CLTA: variants seen among roughly 807,000 people sequenced by gnomAD.
CLTA encodes clathrin, light polypeptide (Lca).
Under a neutral mutation model 26.9 loss-of-function variants are expected in CLTA, and 9 were observed. The ratio of observed to expected loss-of-function variants is 0.33; its 90% CI spans 0.20 to 0.58. The LOEUF (loss-of-function observed/expected upper bound fraction) is 0.58. Ranked by LOEUF, CLTA falls within the 20% of genes least tolerant of loss-of-function variation. The pLI, the probability that CLTA is intolerant of heterozygous loss-of-function variation, is 0.85. For synonymous variants in CLTA, 120 were observed against 115.5 expected, an observed-to-expected ratio of 1.04 and a Z score of -0.25; for missense variants, 278 against 294.2, an observed-to-expected ratio of 0.94 and a Z score of 0.40.
At chr9:36,204,831 C>T (rs1304255647) in intron 4 of CLTA, among the ~76,000 whole-genome samples, 4 of 152,178 alleles carry the variant, frequency 2.6e-5, no homozygotes, top group African/African-American at 7.2e-5. Context: ...TAATGCCCTA[C>T]ACTTAGAGCC....
rs754609831 is a variant in CLTA, at chr9:36,211,746, C to G, written c.629C>G (p.Ser210Cys). The change falls in exon 5 of 5, where the codon TCC (serine) becomes TGC (cysteine). Residue 210 changes from serine to cysteine, a missense_variant. Ser to Cys is a moderately radical substitution (Grantham distance 112). Coordinates refer to ENST00000345519, the MANE Select transcript of CLTA (RefSeq NM_001833.4). ...TCCCGCATGCGCTCAGTCCTCATCT[C>G]CCTCAAGCAGGCCCCGCTGGTGCAC... Reference protein sequence around the residue: ...DVSRMRSVLISLKQAPLVH With the variant: ...DVSRMRSVLICLKQAPLVH 1.9e-6 allele frequency: 3 copies of G among 1,613,050 alleles called. No homozygotes were observed. The South Asian group carries it at 3.3e-5, about 18-fold the overall frequency.
At chr9:36,209,393 A>G (rs1827912837) in intron 4 of CLTA, 2 of 1,187,232 alleles carry the variant, frequency 1.7e-6, no homozygotes, top group Non-Finnish European at 2.5e-6. Context: ...TGCTCCTTTT[A>G]TGTCACAAGT....
chr9:36,207,944 C>T (rs1283943299), intron 4 of CLTA, among the ~76,000 whole-genome samples: 1 of 152,148 alleles, frequency 6.6e-6, no homozygotes, highest in Admixed American at 6.5e-5. Context: ...TGTTTTCCTG[C>T]TGAGTCACTT....
Position 36,190,974 on chromosome 9 carries a change from C to T in CLTA, c.-83C>T. The T allele has an allele frequency of 6.9e-7, 1 of 1,458,226 alleles. No homozygotes were observed. Among genetic ancestry groups the T allele is most frequent in the Non-Finnish European group, 9.0e-7 (1 of 1,115,462 alleles). The allele number at this position is 1,458,226 out of a possible 1,614,324, so 90.3% of individuals were successfully genotyped here. On this transcript the variant is annotated 5_prime_UTR_variant, in exon 1 of 5. Transcript: ENST00000345519. Reference sequence around the variant, plus strand: ...TGTCCTCCTCTCCCAGTCGGCACCACAGCGGTGGCTGCCGGGCGTGGTGTC... The same window carrying T: ...TGTCCTCCTCTCCCAGTCGGCACCATAGCGGTGGCTGCCGGGCGTGGTGTC...
Position 36,204,100 on chromosome 9 carries a change from A to T in CLTA, c.406A>T (p.Lys136Ter). 1 of 1,614,202 alleles carries T rather than the reference A, an allele frequency of 6.2e-7. No homozygotes were observed. Among genetic ancestry groups the T allele is most frequent in the Non-Finnish European group, 8.5e-7 (1 of 1,180,016 alleles). Residue 136 changes from lysine (K) to a stop codon, truncating the protein, a stop_gained, in exon 4 of 5, where the codon AAA becomes TAA. Coordinates refer to ENST00000345519, the MANE Select transcript of CLTA (RefSeq NM_001833.4). LOFTEE classifies it high-confidence loss of function. ...ANSRKQEAEW[K>*]EKAIKELEEW... is the part of the protein sequence containing the mutation. Reference sequence around the variant, plus strand: ...TTCTCGGAAGCAAGAAGCAGAGTGGAAAGAAAAGGCAATAAAGGAGCTAGA... The same window carrying T: ...TTCTCGGAAGCAAGAAGCAGAGTGGTAAGAAAAGGCAATAAAGGAGCTAGA...
At chr9:36,192,629 A>G (rs560691064) in intron 1 of CLTA, among the ~76,000 whole-genome samples, 6 of 151,950 alleles carry the variant, frequency 3.9e-5, no homozygotes, top group African/African-American at 1.2e-4. Flanking sequence ...GGTCTCTAAC[A>G]TTTGTCTGAG....
In CLTA at chr9:36,190,930, C is replaced by T. The variant is rs1378287193; in HGVS notation, c.-127C>T. ...TACACGGGTAGGGCTTCCGCTTTAC[C>T]CGTCTCCCTCCTGGCGCTTGTCCTC... On this transcript the variant is annotated 5_prime_UTR_variant, in exon 1 of 5. Transcript: ENST00000345519. 4 of 1,409,686 alleles carry T rather than the reference C, an allele frequency of 2.8e-6. No homozygotes were observed. Among genetic ancestry groups the T allele is most frequent in the Non-Finnish European group, 3.7e-6 (4 of 1,086,184 alleles). The allele number at this position is 1,409,686 out of a possible 1,614,324, so 87.3% of individuals were successfully genotyped here.
intron 4 of CLTA, among the ~76,000 whole-genome samples, chr9:36,204,530 A>C (rs1369142219): frequency 6.6e-6 from 1 of 152,114 alleles, no homozygotes; most frequent in Non-Finnish European, 1.5e-5. Flanking sequence ...ATGATTATAG[A>C]CTTGGTCATG....
intron 2 of CLTA, among the ~76,000 whole-genome samples, chr9:36,198,698 C>T (rs1214659581): frequency 1.4e-5 from 2 of 145,534 alleles, no homozygotes; most frequent in East Asian, 4.1e-4. Context: ...CTTCCCCCAC[C>T]CCAGAAAAAA....
chr9:36,208,433 T>C (rs1827843883), intron 4 of CLTA, among the ~76,000 whole-genome samples: 1 of 152,214 alleles, frequency 6.6e-6, no homozygotes, highest in South Asian at 2.1e-4. Flanking sequence ...TGTAAAAATA[T>C]TCAGAAACTG....
chr9:36,196,342 C>CTTTTTTTTT (rs372357204), intron 1 of CLTA, among the ~76,000 whole-genome samples: 4 of 135,140 alleles, frequency 3.0e-5, no homozygotes, highest in Admixed American at 7.4e-5. Context: ...TTTCTTTTTT[C>CTTTTTTTTT]TTTTTTTTTT....
chr9:36,198,474 C>T (rs1236125780), intron 2 of CLTA, among the ~76,000 whole-genome samples: 1 of 151,536 alleles, frequency 6.6e-6, no homozygotes, highest in Non-Finnish European at 1.5e-5. Context: ...GTCAAGAGTT[C>T]GAGACCAGCC....
rs1251945076 is a variant in CLTA, at chr9:36,204,148, G to A, written c.454G>A (p.Glu152Lys). 4.3e-6 allele frequency: 7 copies of A among 1,614,044 alleles called. No homozygotes were observed. Among genetic ancestry groups the A allele is most frequent in the Non-Finnish European group, 5.9e-6 (7 of 1,179,950 alleles). Reference protein sequence around the residue: ...ELEEWYARQDEQLQKTKANNR... With the variant: ...ELEEWYARQDKQLQKTKANNR... ...AGAAGAATGGTATGCAAGACAGGAC[G>A]AGCAGCTACAGAAAACAAAAGCAAA... Residue 152 changes from glutamate to lysine, a missense_variant, in exon 4 of 5, where the codon GAG becomes AAG. Transcript: ENST00000345519.
At chr9:36,198,702 GAA>G (rs546254007) in intron 2 of CLTA, among the ~76,000 whole-genome samples, 6 of 66,266 alleles carry the variant, frequency 9.1e-5, no homozygotes, top group African/African-American at 1.7e-4. Context: ...CCCCACCCCA[GAA>G]AAAAAAAAAA....
intron 2 of CLTA, 98 bp from the exon 3 acceptor site, chr9:36,198,874 CAAAAAAA>C: frequency 2.2e-6 from 1 of 450,170 alleles, no homozygotes; most frequent in Non-Finnish European, 3.9e-6. Flanking sequence ...AACTCTGTCT[CAAAAAAA>C]AAAAAAAAAA....
At chr9:36,193,509 TAA>T (rs1826855332) in intron 1 of CLTA, among the ~76,000 whole-genome samples, 1 of 152,034 alleles carries the variant, frequency 6.6e-6, no homozygotes, top group Admixed American at 6.6e-5. Flanking sequence ...AGGATTACAT[TAA>T]AGAGTGTCTA....
intron 1 of CLTA, among the ~76,000 whole-genome samples, chr9:36,197,026 T>A (rs1827091932): frequency 6.6e-6 from 1 of 151,900 alleles, no homozygotes; most frequent in South Asian, 2.1e-4. Context: ...AATAGAAAAA[T>A]TATCCAGGCG....
intron 1 of CLTA, among the ~76,000 whole-genome samples, chr9:36,195,961 C>T (rs1406711707): frequency 6.6e-6 from 1 of 150,814 alleles, no homozygotes; most frequent in Non-Finnish European, 1.5e-5. Flanking sequence ...GCGTGAGACT[C>T]CGTCTCAAAA....
intron 4 of CLTA, among the ~76,000 whole-genome samples, chr9:36,208,791 C>G (rs1286971464): frequency 6.6e-6 from 1 of 152,160 alleles, no homozygotes; most frequent in East Asian, 1.9e-4. Flanking sequence ...GTAGAAAGAG[C>G]CCTGGACTTA....
Sources: allele counts gnomAD v4.1 joint callset (sites outside exome capture counted in the v4.1 genomes callset), GRCh38; gene constraint gnomAD v4.1.1; transcripts MANE v1.5; gene names NCBI Gene and HGNC (gene_info 2026-07-23, HGNC 2026-07-21).